The following STMN3 variants were observed in gnomAD, a reference collection of about 807,000 sequenced individuals.
The protein encoded by STMN3 is stathmin-3.
A neutral mutation model predicts 23.2 loss-of-function variants in STMN3; 24 were observed. The observed-to-expected ratio is 1.03, with a 90% CI of 0.75 to 1.45. STMN3 has a LOEUF of 1.45. Among genes scored for constraint, STMN3 ranks in the 40% most tolerant of loss-of-function variants. The pLI is 0.00. For missense variants in STMN3, 235 were observed against 237.6 expected (o/e 0.99, Z 0.07); for synonymous variants, 117 against 103.4 (o/e 1.13, Z -0.80).
Position 63,643,651 on chromosome 20 carries a change from G to A in STMN3, c.291+105C>T. 13 of 1,410,674 alleles carry A rather than the reference G, an allele frequency of 9.2e-6. No individual in the cohort carries two copies. The South Asian group carries it at 1.8e-4, about 20-fold the overall frequency. The allele number at this position is 1,410,674 out of a possible 1,614,324, so 87.4% of individuals were successfully genotyped here. On this transcript the variant is annotated intron_variant, in intron 3 of 4. Transcript: ENST00000370053. ...ACAGCCCCTCCTGCTCCAGGCCAAG[G>A]CACTGACCAAGCCTGTCCGGGAGCA...
Position 63,642,188 on chromosome 20 carries a change from T to G in STMN3, c.403A>C (p.Lys135Gln). ...CTGAGCTCCATCTTGTAGTTGAGCT[T>G]CTCCTCCGCCTGGCGGCTGAAGTTG... ...NNNFSRQAEE[K>Q]LNYKMELSKE... Residue 135 changes from lysine (K) to glutamine (Q), a missense_variant, in exon 4 of 5, where the codon AAG (lysine) becomes CAG (glutamine). By Grantham distance (53) the Lys-to-Gln change is moderately conservative (BLOSUM62 1). Transcript: ENST00000370053. The G allele has an allele frequency of 6.4e-7, 1 of 1,559,568 alleles. No homozygotes were observed. Among genetic ancestry groups the G allele is most frequent in the East Asian group, 2.6e-5 (1 of 38,008 alleles).
At chr20:63,650,285 T>A (rs2089847526) in intron 1 of STMN3, among the ~76,000 whole-genome samples, 1 of 152,150 alleles carries the variant, frequency 6.6e-6, no homozygotes, top group Non-Finnish European at 1.5e-5. Context: ...TTGTTTTGTC[T>A]CCCTGCTTCT....
chr20:63,647,960 G>GTGTATATATATATATATATA (rs1424237875), intron 1 of STMN3, among the ~76,000 whole-genome samples: 1 of 53,354 alleles, frequency 1.9e-5, no homozygotes, highest in African/African-American at 1.0e-4. Context: ...ATATATATAT[G>GTGTATATATATATATATATA]TATATATATA....
chr20:63,652,876 T>C lies in STMN3; in HGVS notation c.19+451A>G, dbSNP rs536176551. ...CTGCACTGGCGCGGGGAGCGCCGGG[T>C]TCCCGGCTGGGGCTTTGGCAGAGGG... On this transcript the variant is annotated intron_variant, in intron 1 of 4. Transcript: ENST00000370053. The surrounding 1 kb of genome is among the most constrained non-coding windows in gnomAD (Gnocchi z 5.3). 6.0e-6 allele frequency: 5 copies of C among 832,084 alleles called. No homozygotes were observed. In the South Asian group the frequency reaches 2.7e-4, roughly 46 times the overall value. 51.5% of individuals were successfully genotyped at this position (832,084 alleles called of 1,614,324 possible).
intron 1 of STMN3, among the ~76,000 whole-genome samples, chr20:63,647,958 ATG>A (rs1315079081): frequency 0.15 from 11,246 of 73,966 alleles, 1,613 homozygotes; most frequent in African/African-American, 0.28. Context: ...GTATATATAT[ATG>A]TATATATATA....
chr20:63,646,896 C>T (rs1051604442), intron 1 of STMN3, among the ~76,000 whole-genome samples: 5 of 151,566 alleles, frequency 3.3e-5, no homozygotes, highest in South Asian at 4.2e-4. Context: ...AGGGATTACA[C>T]GCACATGCCA....
intron 1 of STMN3, among the ~76,000 whole-genome samples, chr20:63,647,274 C>G (rs1438414758): frequency 1.4e-5 from 2 of 145,942 alleles, no homozygotes; most frequent in Non-Finnish European, 3.0e-5. Context: ...AGCTACTGCA[C>G]TCCAGCCTGG....
rs1158774174 is a variant in STMN3, at chr20:63,647,699, A to AAT, written c.20-3392_20-3391dup. 3.9e-5 allele frequency among the ~76,000 whole-genome samples: 5 copies of AAT among 129,502 alleles called. No homozygotes were observed. In the East Asian group the frequency reaches 6.1e-4, roughly 16 times the overall value. 85.0% of individuals were successfully genotyped at this position (129,502 alleles called of 152,430 possible). A position where few individuals can be genotyped will look rare whatever the true frequency, so the allele number is the denominator to read the frequency against. On this transcript the variant is annotated intron_variant, in intron 1 of 4. Transcript: ENST00000370053. Reference sequence around the variant, plus strand: ...CGTATATATACACGTGTATATATATAATATATATACACGTGTATATATATT... The same window carrying AAT: ...CGTATATATACACGTGTATATATATAATATATATATACACGTGTATATATATT...
chr20:63,647,936 A>ATATGTG (rs1165301691), intron 1 of STMN3, among the ~76,000 whole-genome samples: 2,057 of 80,720 alleles, frequency 0.025, 132 homozygotes, highest in Middle Eastern at 0.038. Flanking sequence ...ATACGTATAT[A>ATATGTG]TGTGTGTGTG....
chr20:63,642,248 G>A lies in STMN3; in HGVS notation c.343C>T (p.Arg115Cys). Residue 115 changes from arginine (R) to cysteine (C), a missense_variant, in exon 4 of 5, where the codon CGC becomes TGC. By Grantham distance (180) the Arg-to-Cys change is radical (BLOSUM62 -3). Transcript: ENST00000370053. The stretch of plus-strand genomic sequence containing the variant: ...TCCAGCGCCTTGTGCAGCACCTCGC[G>A]CTCGTGCTCGCGCCGCTCCGCCAGC... ...KQLAERREHE[R>C]EVLHKALEEN... 6.5e-7 allele frequency: 1 copy of A among 1,548,906 alleles called. No individual in the cohort carries two copies.
At chr20:63,653,210 G>C (rs1413965620) in intron 1 of STMN3, 117 bp downstream of exon 1, 1 of 1,343,640 alleles carries the variant, frequency 7.4e-7, no homozygotes, top group Non-Finnish European at 1.0e-6. Flanking sequence ...GGCTTGCAAC[G>C]CGCAGGGTAG....
chr20:63,649,260 T>C (rs2089839698), intron 1 of STMN3, among the ~76,000 whole-genome samples: 1 of 151,736 alleles, frequency 6.6e-6, no homozygotes, highest in African/African-American at 2.4e-5. Flanking sequence ...GAAGGGCAGA[T>C]TGGAGGGGGC....
intron 1 of STMN3, among the ~76,000 whole-genome samples, chr20:63,647,444 G>T (rs2089817806): frequency 6.7e-6 from 1 of 150,162 alleles, no homozygotes; most frequent in Non-Finnish European, 1.5e-5. Flanking sequence ...ATGAAACCCT[G>T]TCTCTACTAA....
chr20:63,642,352 C>G, intron 3 of STMN3, 53 bp from the exon 4 acceptor site: 3 of 1,307,950 alleles, frequency 2.3e-6, no homozygotes, highest in Non-Finnish European at 3.0e-6. Context: ...CCTGCCCGGC[C>G]GGACTCCTCC....
intron 3 of STMN3, among the ~76,000 whole-genome samples, chr20:63,643,343 G>A (rs1028297263): frequency 2.6e-5 from 4 of 152,082 alleles, no homozygotes; most frequent in Non-Finnish European, 4.4e-5. Context: ...GTGCAGTGGC[G>A]CAGTCTCGGC....
Position 63,653,334 on chromosome 20 carries a change from G to C in STMN3, c.12C>G (p.Thr4=), listed in dbSNP as rs1223843284. 2 of 1,548,282 alleles carry C rather than the reference G, an allele frequency of 1.3e-6. No individual in the cohort carries two copies. The highest frequency in any genetic ancestry group is 2.4e-5 in the South Asian group (2 of 84,086). Residue 4 remains threonine (T), a synonymous_variant, in exon 1 of 5, where the codon ACC becomes ACG. Coordinates refer to ENST00000370053, the MANE Select transcript of STMN3 (RefSeq NM_015894.4). MAS[T]ISAYKEKMKE... ...CGTGGCCCCGGAGCCTACCGGAAATGGTGCTGGCCATGGTGCTGGCGGCGG... is the reference window on the plus strand; with the variant it reads ...CGTGGCCCCGGAGCCTACCGGAAATCGTGCTGGCCATGGTGCTGGCGGCGG...
At chr20:63,647,685 ACG>A (rs1420836712) in intron 1 of STMN3, among the ~76,000 whole-genome samples, 9 of 92,730 alleles carry the variant, frequency 9.7e-5, no homozygotes, top group African/African-American at 2.2e-4. Context: ...GTATATATAC[ACG>A]TGTATATATA....
chr20:63,650,251 A>G (rs539616116), intron 1 of STMN3, among the ~76,000 whole-genome samples: 16 of 152,224 alleles, frequency 1.1e-4, no homozygotes, highest in Admixed American at 2.0e-4. Context: ...GGGAGTTAAA[A>G]ACAATTCTCG....
At chr20:63,651,947 A>C (rs532035750) in intron 1 of STMN3, among the ~76,000 whole-genome samples, 1 of 152,220 alleles carries the variant, frequency 6.6e-6, no homozygotes, top group Non-Finnish European at 1.5e-5. Flanking sequence ...GAAGGGCAGG[A>C]GGCGGCCCTG....
Sources: gnomAD v4.1 joint callset for allele counts (sites outside exome capture counted in the v4.1 genomes callset) on GRCh38, gnomAD v4.1.1 for gene constraint, Gnocchi (gnomAD v3.1) non-coding constraint, MANE v1.5 for transcripts, NCBI Gene and HGNC (gene_info 2026-07-23, HGNC 2026-07-21) for gene names.